CASKIN1: variants seen among roughly 807,000 people sequenced by gnomAD.
CASKIN1 encodes the protein caskin-1.
Under a neutral mutation model 117.5 loss-of-function variants are expected in CASKIN1, and 42 were observed. The ratio of observed to expected loss-of-function variants is 0.36; its 90% CI spans 0.28 to 0.46. CASKIN1 has a LOEUF of 0.46. CASKIN1 is among the 20% of genes least tolerant of loss of function. CASKIN1 has a pLI of 1.00. For missense variants in CASKIN1, 2,083 were observed against 2,077.3 expected (o/e 1.00, Z -0.05); for synonymous variants, 1,148 against 961.7 (o/e 1.19, Z -3.59).
chr16:2,190,610 G>A (rs1567263666), intron 1 of CASKIN1, among the ~76,000 whole-genome samples: 1 of 152,180 alleles, frequency 6.6e-6, no homozygotes, highest in South Asian at 2.1e-4. Flanking sequence ...TAAGGACTCC[G>A]GCCTGGAGTC....
At position 2,179,064 on chromosome 16, in the gene CASKIN1, G is replaced by A. The variant is rs1254356101; in HGVS notation, c.4037C>T (p.Ala1346Val). The A allele has an allele frequency of 2.1e-4, 213 of 991,176 alleles. No individual in the cohort carries two copies. Among genetic ancestry groups the A allele is most frequent in the Non-Finnish European group, 2.5e-4 (209 of 835,758 alleles). The allele number at this position is 991,176 out of a possible 1,614,324, so 61.4% of individuals were successfully genotyped here. ...LHVPAKPPRA[A>V]AAAAAAAAAP... ...GGCGGCGGCGGCGGCGGCGGCGGCG[G>A]CGGCTCGCGGGGGCTTGGCGGGCAC... The change falls in exon 19 of 20, where the codon GCC becomes GTC. Residue 1346 changes from alanine (A) to valine (V), a missense_variant. Physicochemically the swap from Ala to Val is moderately conservative, Grantham distance 64. Coordinates refer to ENST00000343516, the MANE Select transcript of CASKIN1 (RefSeq NM_020764.4). This position sits in a 1 kb window ranked among gnomAD's most constrained non-coding sequence, Gnocchi z 5.8.
Position 2,179,639 on chromosome 16 carries a change from G to C in CASKIN1, c.3729C>G (p.Pro1243=). 2 of 1,486,668 alleles carry C rather than the reference G, an allele frequency of 1.3e-6. No individual in the cohort carries two copies. Among genetic ancestry groups the C allele is most frequent in the Non-Finnish European group, 1.8e-6 (2 of 1,124,730 alleles). 92.1% of individuals were successfully genotyped at this position (1,486,668 alleles called of 1,614,324 possible). The part of the protein sequence containing the change: ...TQPVPKLQGS[P]TPTSKKVPLP... ...GCGGCACCTTCTTGGAGGTGGGTGTGGGCGAGCCCTGGAGCTTGGGCACAG... is the reference window on the plus strand; with the variant it reads ...GCGGCACCTTCTTGGAGGTGGGTGTCGGCGAGCCCTGGAGCTTGGGCACAG... Residue 1243 remains proline, a synonymous_variant, in exon 18 of 20, where the codon CCC becomes CCG. Transcript: ENST00000343516. This position sits in a 1 kb window ranked among gnomAD's most constrained non-coding sequence, Gnocchi z 5.8.
In CASKIN1 at chr16:2,179,089, C is replaced by A; in HGVS notation, c.4012G>T (p.Val1338Leu). The change falls in exon 19 of 20, where the codon GTG becomes TTG. Residue 1338 changes from valine to leucine, a missense_variant. Val to Leu is a conservative substitution (Grantham distance 32). Transcript: ENST00000343516. The surrounding 1 kb of genome is among the most constrained non-coding windows in gnomAD (Gnocchi z 5.8). Reference protein sequence around the residue: ...PPSPGAPALHVPAKPPRAAAA... With the variant: ...PPSPGAPALHLPAKPPRAAAA... ...GCGGCTCGCGGGGGCTTGGCGGGCA[C>A]GTGCAGCGCGGGCGCGCCGGGGGAC... is the stretch of plus-strand genomic sequence containing the variant. 6 of 985,336 alleles carry A rather than the reference C, an allele frequency of 6.1e-6. No individual in the cohort carries two copies. The highest frequency in any genetic ancestry group is 7.2e-6 in the Non-Finnish European group (6 of 832,120). The allele number at this position is 985,336 out of a possible 1,614,324, so 61.0% of individuals were successfully genotyped here. A position where few individuals can be genotyped will look rare whatever the true frequency, so the allele number is the denominator to read the frequency against.
intron 1 of CASKIN1, among the ~76,000 whole-genome samples, chr16:2,190,918 G>A (rs1291863711): frequency 6.6e-6 from 1 of 152,212 alleles, no homozygotes; most frequent in South Asian, 2.1e-4. Flanking sequence ...GCAGGCGAGT[G>A]GGCTGGCACC....
chr16:2,181,537 C>A lies in CASKIN1; in HGVS notation c.1831G>T (p.Ala611Ser), dbSNP rs368506468. 40 of 1,598,992 alleles carry A rather than the reference C, an allele frequency of 2.5e-5. No individual in the cohort carries two copies. The highest frequency in any genetic ancestry group is 3.1e-5 in the Non-Finnish European group (36 of 1,174,608). Residue 611 changes from alanine (A) to serine (S), a missense_variant, in exon 18 of 20, where the codon GCC becomes TCC. Physicochemically the swap from Ala to Ser is moderately conservative, Grantham distance 99 (BLOSUM62 1). Around this residue, in one of 3 missense-constraint regions of CASKIN1, gnomAD observed 1,818 missense variants for 1,688.9 expected, o/e 1.08. Coordinates refer to ENST00000343516, the MANE Select transcript of CASKIN1 (RefSeq NM_020764.4). ...CGCAGGGGGCCCCCCTCATACTTGG[C>A]GTATTCAGCCTTCTGCAGCTCTGCC... ...KLAELQKAEY[A>S]KYEGGPLRRK...
rs375223027 is a variant in CASKIN1, at chr16:2,186,927, G to A, written c.930+51C>T. The A allele has an allele frequency of 1.5e-3, 2,449 of 1,601,730 alleles. 7 individuals carry two copies. The highest frequency in any genetic ancestry group is 2.9e-3 in the Admixed American group (172 of 59,924). ...CGGGAGGGTGTTCTGGGGTGCGCAC[G>A]CCCAGGTGCCGCCCCCTCCCTGCTG... On this transcript the variant is annotated intron_variant, in intron 9 of 19. Transcript: ENST00000343516.
chr16:2,178,994 G>C lies in CASKIN1; in HGVS notation c.4107C>G (p.Ala1369=). 3 of 1,338,520 alleles carry C rather than the reference G, an allele frequency of 2.2e-6. No individual in the cohort carries two copies. The highest frequency in any genetic ancestry group is 2.9e-6 in the Non-Finnish European group (3 of 1,044,364). The allele number at this position is 1,338,520 out of a possible 1,614,324, so 82.9% of individuals were successfully genotyped here. A position where few individuals can be genotyped will look rare whatever the true frequency, so the allele number is the denominator to read the frequency against. The change falls in exon 19 of 20, where the codon GCC becomes GCG. Residue 1369 remains alanine (A), a synonymous_variant. Transcript: ENST00000343516. ...PPEGASPGDS[A]RQKLEETSAC... is the part of the protein sequence containing the mutation. ...CGCTTGTCTCCTCCAGTTTCTGCCG[G>C]GCGCTGTCCCCTGGCGAGGCGCCTT...
chr16:2,194,674 C>T (rs2093210762), intron 1 of CASKIN1, among the ~76,000 whole-genome samples: 1 of 152,178 alleles, frequency 6.6e-6, no homozygotes, highest in African/African-American at 2.4e-5. Context: ...ATTACACCCG[C>T]CCCTGTGAGT....
Position 2,186,773 on chromosome 16 carries a change from G to T in CASKIN1, c.982C>A (p.Arg328=). ...GRWKGCIHDN[R]TGNDRVGYFP... ...TAGCCCACCCGGTCATTGCCCGTCC[G>T]GTTGTCATGGATGCAGCCCTTCCAC... Residue 328 remains arginine (R), a synonymous_variant, in exon 10 of 20, where the codon CGG becomes AGG. Transcript: ENST00000343516. 1.2e-6 allele frequency: 2 copies of T among 1,613,034 alleles called. No individual in the cohort carries two copies. Among genetic ancestry groups the T allele is most frequent in the Non-Finnish European group, 1.7e-6 (2 of 1,179,960 alleles).
At position 2,196,305 on chromosome 16, in the gene CASKIN1, G is replaced by A. The variant is rs1286997185; in HGVS notation, c.94+34C>T. The A allele has an allele frequency of 3.7e-6, 4 of 1,069,158 alleles. No individual in the cohort carries two copies. Among genetic ancestry groups the A allele is most frequent in the South Asian group, 7.8e-5 (2 of 25,642 alleles). The allele number at this position is 1,069,158 out of a possible 1,614,324, so 66.2% of individuals were successfully genotyped here. On this transcript the variant is annotated intron_variant, in intron 1 of 19. Coordinates refer to ENST00000343516, the MANE Select transcript of CASKIN1 (RefSeq NM_020764.4). This position sits in a 1 kb window ranked among gnomAD's most constrained non-coding sequence, Gnocchi z 5.7. ...TCCGCGCCGGGGAGGGGCCCCCGGGGCTCCCACCCGCGCCCCGCGCCCCCG... is the reference window on the plus strand; with the variant it reads ...TCCGCGCCGGGGAGGGGCCCCCGGGACTCCCACCCGCGCCCCGCGCCCCCG...
chr16:2,183,927 C>T lies in CASKIN1; in HGVS notation c.1431G>A (p.Val477=), dbSNP rs1379652192. The T allele has an allele frequency of 3.1e-6, 5 of 1,604,984 alleles. No individual in the cohort carries two copies. In the Admixed American group the frequency reaches 5.0e-5, roughly 16 times the overall value. ...PASEGKSSEA[V]SQWLTAFQLQ... ...GCTGGAACGCGGTGAGCCACTGGCTCACGGCCTCAGAGCTCTGGAAGACAC... is the reference window on the plus strand; with the variant it reads ...GCTGGAACGCGGTGAGCCACTGGCTTACGGCCTCAGAGCTCTGGAAGACAC... Residue 477 remains valine, a synonymous_variant, in exon 15 of 20, where the codon GTG becomes GTA. Transcript: ENST00000343516.
In CASKIN1 at chr16:2,179,355, G is replaced by A. The variant is rs1034775262; in HGVS notation, c.3776-30C>T. On this transcript the variant is annotated intron_variant, in intron 18 of 19. Transcript: ENST00000343516. This position sits in a 1 kb window ranked among gnomAD's most constrained non-coding sequence, Gnocchi z 5.8. ...GGGGAGGACCACGCTGGCACCGAGC[G>A]GGCACGAGTTCCGCCGCCGCGCCCC... 5 of 1,320,188 alleles carry A rather than the reference G, an allele frequency of 3.8e-6. No individual in the cohort carries two copies. The African/African-American group carries it at 4.6e-5, about 12-fold the overall frequency. The allele number at this position is 1,320,188 out of a possible 1,614,324, so 81.8% of individuals were successfully genotyped here.
In CASKIN1 at chr16:2,179,566, C is replaced by T. The variant is rs550213868; in HGVS notation, c.3775+27G>A. On this transcript the variant is annotated intron_variant, in intron 18 of 19. Transcript: ENST00000343516. The surrounding 1 kb of genome is among the most constrained non-coding windows in gnomAD (Gnocchi z 5.8). ...AGGAGGTGGAGCAGGGTCCTGTTGC[C>T]CCTTCACCCCACCCTGGCTGGCCTA... 11 of 1,428,224 alleles carry T rather than the reference C, an allele frequency of 7.7e-6. No individual in the cohort carries two copies. The East Asian group carries it at 2.6e-4, about 34-fold the overall frequency. 88.5% of individuals were successfully genotyped at this position (1,428,224 alleles called of 1,614,324 possible).
chr16:2,183,700 G>C lies in CASKIN1; in HGVS notation c.1575C>G (p.Ile525Met). Residue 525 changes from isoleucine to methionine, a missense_variant, in exon 16 of 20, where the codon ATC (isoleucine) becomes ATG (methionine). Transcript: ENST00000343516. ...TGCTTAGGCCGCTGATCTCTGCCGC[G>C]ATCTTCTTCCGGTGGCCCGGCTTGG... ...GVTKPGHRKK[I>M]AAEISGLSIP... is the part of the protein sequence containing the mutation. The C allele has an allele frequency of 6.2e-7, 1 of 1,613,412 alleles. No individual in the cohort carries two copies. The highest frequency in any genetic ancestry group is 8.5e-7 in the Non-Finnish European group (1 of 1,179,980).
At chr16:2,189,357 G>A in intron 4 of CASKIN1, 24 bp from the exon 5 acceptor site, 1 of 1,612,360 alleles carries the variant, frequency 6.2e-7, no homozygotes, top group Non-Finnish European at 8.5e-7. Context: ...GCGCAGTCAG[G>A]TCCGCACATC....
chr16:2,186,267 C>T (rs911571422), intron 10 of CASKIN1, among the ~76,000 whole-genome samples: 2 of 152,344 alleles, frequency 1.3e-5, no homozygotes, highest in Admixed American at 6.5e-5. Flanking sequence ...CCACGCCTGG[C>T]GCCGCCGGCT....
At chr16:2,195,160 G>A (rs911032212) in intron 1 of CASKIN1, among the ~76,000 whole-genome samples, 3 of 152,222 alleles carry the variant, frequency 2.0e-5, no homozygotes, top group African/African-American at 4.8e-5. Flanking sequence ...TCAGCTCGGG[G>A]CCAGCCTGCA....
At position 2,178,474 on chromosome 16, in the gene CASKIN1, G is replaced by T; in HGVS notation, c.*76C>A. 1.6e-6 allele frequency: 2 copies of T among 1,214,420 alleles called. No individual in the cohort carries two copies. Among genetic ancestry groups the T allele is most frequent in the Non-Finnish European group, 2.2e-6 (2 of 904,346 alleles). The allele number at this position is 1,214,420 out of a possible 1,614,324, so 75.2% of individuals were successfully genotyped here. On this transcript the variant is annotated 3_prime_UTR_variant, in exon 20 of 20. Coordinates refer to ENST00000343516, the MANE Select transcript of CASKIN1 (RefSeq NM_020764.4). ...TGCCCGGCCGCTCGCGCCGCGCCCA[G>T]ACGCGCCCATCCTGAGGTATAGGTC...
At chr16:2,184,602 C>T (rs1489069636) in intron 14 of CASKIN1, among the ~76,000 whole-genome samples, 175 bp downstream of exon 14, 1 of 152,196 alleles carries the variant, frequency 6.6e-6, no homozygotes, top group African/African-American at 2.4e-5. Flanking sequence ...CACCCGTACA[C>T]ACAGGCAGAC....
Sources: allele counts gnomAD v4.1 joint callset (sites outside exome capture counted in the v4.1 genomes callset), GRCh38; gene constraint gnomAD v4.1.1; regional missense constraint gnomAD v4.1.1; non-coding constraint Gnocchi (gnomAD v3.1); transcripts MANE v1.5; gene names NCBI Gene and HGNC (gene_info 2026-07-23, HGNC 2026-07-21).